The following SDK2 variants were observed in gnomAD, a reference collection of about 807,000 sequenced individuals.
SDK2 encodes the protein sidekick cell adhesion molecule 2, also known as protein sidekick-2.
Under a neutral mutation model 253.9 loss-of-function variants are expected in SDK2, and 105 were observed. The ratio of observed to expected loss-of-function variants is 0.41; its 90% CI spans 0.35 to 0.49. The LOEUF (loss-of-function observed/expected upper bound fraction) is 0.49. SDK2 is among the 20% of genes least tolerant of loss of function. The pLI is 0.06. For synonymous variants in SDK2, 1,249 were observed against 1,234.9 expected (o/e 1.01, Z -0.24); for missense variants, 2,608 against 3,003.0 (o/e 0.87, Z 3.07).
At chr17:73,480,324 C>G (rs2063713407) in intron 2 of SDK2, among the ~76,000 whole-genome samples, 1 of 152,190 alleles carries the variant, frequency 6.6e-6, no homozygotes, top group African/African-American at 2.4e-5. Flanking sequence ...TCTACCTCCT[C>G]CTGCTTCACA....
At chr17:73,387,054 G>A (rs537101205) in intron 30 of SDK2, among the ~76,000 whole-genome samples, 4 of 152,140 alleles carry the variant, frequency 2.6e-5, no homozygotes, top group Admixed American at 2.0e-4. Context: ...TCCGCCTCCC[G>A]CGTTCAAGCG....
chr17:73,575,018 C>T (rs1000148893), intron 1 of SDK2, among the ~76,000 whole-genome samples: 3 of 152,196 alleles, frequency 2.0e-5, no homozygotes, highest in Non-Finnish European at 4.4e-5. Flanking sequence ...AAGGACTGCT[C>T]GTATAGTCTC....
At chr17:73,355,174 A>ATATATATATATTTTT in intron 40 of SDK2, among the ~76,000 whole-genome samples, 1 of 47,224 alleles carries the variant, frequency 2.1e-5, no homozygotes, top group African/African-American at 1.6e-4. Flanking sequence ...ATATATATAT[A>ATATATATATATTTTT]TTTTTTTTTT....
chr17:73,339,066 G>A (rs1568356074), intron 44 of SDK2, 126 bp from the exon 45 acceptor site: 14 of 829,132 alleles, frequency 1.7e-5, no homozygotes, highest in Non-Finnish European at 2.1e-5. Flanking sequence ...CTTGGACTGT[G>A]GGCCTCCCAG....
chr17:73,505,015 G>C (rs1485077150), intron 2 of SDK2, among the ~76,000 whole-genome samples: 1 of 151,836 alleles, frequency 6.6e-6, no homozygotes, highest in Non-Finnish European at 1.5e-5. Context: ...ACACTCTTAG[G>C]GGCGAGGAGG....
At chr17:73,524,236 T>A (rs1239967273) in intron 1 of SDK2, among the ~76,000 whole-genome samples, 2 of 152,162 alleles carry the variant, frequency 1.3e-5, no homozygotes, top group East Asian at 3.9e-4. Flanking sequence ...GGCAGCAGGA[T>A]TGGCATGTTG....
chr17:73,474,359 T>C (rs1338638546), intron 2 of SDK2, among the ~76,000 whole-genome samples: 2 of 152,098 alleles, frequency 1.3e-5, no homozygotes, highest in East Asian at 3.8e-4. Context: ...AACCTGTAAG[T>C]TTCACACATT....
intron 2 of SDK2, among the ~76,000 whole-genome samples, chr17:73,502,794 A>T (rs1379768003): frequency 6.6e-6 from 1 of 152,242 alleles, no homozygotes; most frequent in Non-Finnish European, 1.5e-5. Flanking sequence ...GAAGGAGATT[A>T]TTCACATAGT....
intron 1 of SDK2, among the ~76,000 whole-genome samples, chr17:73,561,242 G>A (rs948795502): frequency 6.6e-6 from 1 of 152,172 alleles, no homozygotes. Context: ...TACGGGGTTG[G>A]TAGGGCCGAT....
At position 73,465,953 on chromosome 17, in the gene SDK2, A is replaced by T. The variant is rs953228934; in HGVS notation, c.331+6159T>A. Among the ~76,000 whole-genome samples the T allele has an allele frequency of 8.5e-5, 13 of 152,218 alleles. No homozygotes were observed. The highest frequency in any genetic ancestry group is 1.3e-4 in the Admixed American group (2 of 15,286). On this transcript the variant is annotated intron_variant, in intron 3 of 44. Coordinates refer to ENST00000392650, the MANE Select transcript of SDK2 (RefSeq NM_001144952.2). This position sits in a 1 kb window ranked among gnomAD's most constrained non-coding sequence, Gnocchi z 4.2. ...CATCTGCGTGTGTGTGTAAGGAGAC[A>T]GACGGATTGGCAGACAGGCAGCTGC...
chr17:73,584,211 C>T (rs1281085848), intron 1 of SDK2, among the ~76,000 whole-genome samples: 1 of 152,192 alleles, frequency 6.6e-6, no homozygotes, highest in Non-Finnish European at 1.5e-5. Context: ...GCCGGGACCT[C>T]GCCTGCTCTG....
At position 73,443,097 on chromosome 17, in the gene SDK2, T is replaced by C. The variant is rs1223923432; in HGVS notation, c.614-2174A>G. 6.6e-6 allele frequency among the ~76,000 whole-genome samples: 1 copy of C among 152,106 alleles called. No individual in the cohort carries two copies. The highest frequency in any genetic ancestry group is 6.5e-5 in the Admixed American group (1 of 15,278). On this transcript the variant is annotated intron_variant, in intron 5 of 44. Transcript: ENST00000392650. The surrounding 1 kb of genome is among the most constrained non-coding windows in gnomAD (Gnocchi z 4.6). Reference sequence around the variant, plus strand: ...CTGGAGGTAGTAGGCCATGATGACATGCTGGGCCCTGCGGTGACAGTGACA... The same window carrying C: ...CTGGAGGTAGTAGGCCATGATGACACGCTGGGCCCTGCGGTGACAGTGACA...
chr17:73,552,268 T>C (rs1427207002), intron 1 of SDK2, among the ~76,000 whole-genome samples: 1 of 152,270 alleles, frequency 6.6e-6, no homozygotes, highest in Non-Finnish European at 1.5e-5. Flanking sequence ...CCACTGCATT[T>C]AATTTAACGA....
intron 1 of SDK2, among the ~76,000 whole-genome samples, chr17:73,551,268 C>A (rs2045053782): frequency 1.3e-5 from 2 of 152,210 alleles, no homozygotes; most frequent in African/African-American, 4.8e-5. Context: ...TGCCCACACG[C>A]TCCCACCCCA....
rs116974695 is a variant in SDK2, at chr17:73,353,832, T to G, written c.5594-1195A>C. On this transcript the variant is annotated intron_variant, in intron 40 of 44. Transcript: ENST00000392650. ...TATTTTCCTACCTCAGCCTCCCGGATAGCTGGGATTACAGGCTTACTCCAC... is the reference window on the plus strand; with the variant it reads ...TATTTTCCTACCTCAGCCTCCCGGAGAGCTGGGATTACAGGCTTACTCCAC... 5.8e-4 allele frequency among the ~76,000 whole-genome samples: 88 copies of G among 150,904 alleles called. 1 individual carries two copies. In the East Asian group the frequency reaches 0.016, roughly 28 times the overall value.
intron 2 of SDK2, among the ~76,000 whole-genome samples, chr17:73,500,874 C>T (rs534457999): frequency 6.6e-6 from 1 of 151,742 alleles, no homozygotes; most frequent in South Asian, 2.1e-4. Flanking sequence ...ATCCTCCATC[C>T]ATCCTCCCTC....
chr17:73,353,700 AT>A (rs11370066), intron 40 of SDK2, among the ~76,000 whole-genome samples: 5,545 of 97,040 alleles, frequency 0.057, 368 homozygotes, highest in African/African-American at 0.2. Context: ...TGCCTGGCCA[AT>A]TTTTTTTTTT....
At chr17:73,641,331 T>C (rs1454746245) in intron 1 of SDK2, among the ~76,000 whole-genome samples, 7 of 152,224 alleles carry the variant, frequency 4.6e-5, no homozygotes, top group Admixed American at 3.9e-4. Flanking sequence ...GAGCTATTAT[T>C]GCCAGTGTAC....
At chr17:73,575,914 A>C (rs1034223912) in intron 1 of SDK2, among the ~76,000 whole-genome samples, 1 of 152,132 alleles carries the variant, frequency 6.6e-6, no homozygotes, top group African/African-American at 2.4e-5. Flanking sequence ...GAGGTATAAA[A>C]AGGGAGAGCA....
Sources: gnomAD v4.1 joint callset for allele counts (sites outside exome capture counted in the v4.1 genomes callset) on GRCh38, gnomAD v4.1.1 for gene constraint, Gnocchi (gnomAD v3.1) non-coding constraint, MANE v1.5 for transcripts, NCBI Gene and HGNC (gene_info 2026-07-23, HGNC 2026-07-21) for gene names.